The following NTSR2 variants were observed in gnomAD, a reference collection of about 807,000 sequenced individuals.
NTSR2 encodes neurotensin receptor 2, also known as neurotensin receptor type 2.
In NTSR2, 22 loss-of-function variants were observed where a neutral mutation model predicts 24.1. The observed-to-expected ratio is 0.91, with a 90% confidence interval of 0.65 to 1.30. NTSR2 has a LOEUF of 1.30. NTSR2 is among the 50% of genes most tolerant of loss of function. The pLI is 0.00. For missense variants in NTSR2, 570 were observed against 570.4 expected, an observed-to-expected ratio of 1.00 and a Z score of 0.01; for synonymous variants, 291 against 267.0, an observed-to-expected ratio of 1.09 and a Z score of -0.88.
chr2:11,666,658 G>A (rs554063626), intron 1 of NTSR2, among the ~76,000 whole-genome samples: 1 of 152,276 alleles, frequency 6.6e-6, no homozygotes, highest in South Asian at 2.1e-4. Flanking sequence ...GAGAATGTGC[G>A]ACTGCAATCC....
At chr2:11,667,977 T>C (rs943123262) in intron 1 of NTSR2, among the ~76,000 whole-genome samples, 3 of 152,198 alleles carry the variant, frequency 2.0e-5, no homozygotes, top group Non-Finnish European at 2.9e-5. Flanking sequence ...GAGAAGGCCC[T>C]GTTGCCAGGA....
intron 1 of NTSR2, among the ~76,000 whole-genome samples, chr2:11,666,327 T>A (rs1253090454): frequency 6.6e-6 from 1 of 152,146 alleles, no homozygotes; most frequent in Non-Finnish European, 1.5e-5. Flanking sequence ...CTCAAATTTT[T>A]AAAAAATGTA....
chr2:11,668,700 G>A (rs1031831587), intron 1 of NTSR2, among the ~76,000 whole-genome samples: 1 of 152,214 alleles, frequency 6.6e-6, no homozygotes, highest in Non-Finnish European at 1.5e-5. Flanking sequence ...AATGTGACTA[G>A]AGCAAGCGAC....
In NTSR2 at chr2:11,669,625, G is replaced by A. The variant is rs1241510185; in HGVS notation, c.505C>T (p.Pro169Ser). 6 of 1,574,504 alleles carry A rather than the reference G, an allele frequency of 3.8e-6. No individual in the cohort carries two copies. The highest frequency in any genetic ancestry group is 3.4e-6 in the Non-Finnish European group (4 of 1,167,348). The change falls in exon 1 of 4, where the codon CCC (proline) becomes TCC (serine). Residue 169 changes from proline (P) to serine (S), a missense_variant. Transcript: ENST00000306928. ...SWAASLGLAL[P>S]MAVIMGQKHE... ...TTCTGCCCCATGATGACGGCCATGG[G>A]CAGGGCGAGGCCGAGCGAGGCGGCC...
rs148599526 is a variant in NTSR2 at position 11,662,759 on chromosome 2, C to T, written c.625-519G>A. Among the ~76,000 whole-genome samples, 1,114 of 151,972 alleles carry T rather than the reference C, an allele frequency of 7.3e-3. 11 individuals are homozygous for T. The highest frequency in any genetic ancestry group is 0.025 in the African/African-American group (1,036 of 41,458). The stretch of plus-strand genomic sequence containing the variant: ...TCATGCCACTGCACTCCAGCCTGGG[C>T]AACAGAGCGAGACTCCGTCTCAAAA... On this transcript the variant is annotated intron_variant, in intron 1 of 3. Coordinates refer to ENST00000306928, the MANE Select transcript of NTSR2 (RefSeq NM_012344.4).
Position 11,662,177 on chromosome 2 carries a change from C to T in NTSR2, c.688G>A (p.Val230Met), listed in dbSNP as rs1417636938. 2.5e-6 allele frequency: 4 copies of T among 1,586,070 alleles called. No homozygotes were observed. The highest frequency in any genetic ancestry group is 3.4e-6 in the Non-Finnish European group (4 of 1,166,052). ...ALTAFLNGVT[V>M]SHLLALCSQV... ...GAGCAGAGGGCCAGCAGGTGGCTCA[C>T]TGTGACCCCATTCAGGAAAGCAGTT... The change falls in exon 2 of 4, where the codon GTG (valine) becomes ATG (methionine). Residue 230 changes from valine to methionine, a missense_variant. Coordinates refer to ENST00000306928, the MANE Select transcript of NTSR2 (RefSeq NM_012344.4).
At position 11,670,106 on chromosome 2, in the gene NTSR2, G is replaced by A; in HGVS notation, c.24C>T (p.Pro8=). METSSPR[P]PRPSSNPGLS... ...GCCCCGGGTTGGAGCTGGGCCGCGG[G>A]GGCCGCGGGCTGCTGGTTTCCATCC... Residue 8 remains proline (P), a synonymous_variant, in exon 1 of 4, where the codon CCC becomes CCT. Transcript: ENST00000306928. 9.4e-6 allele frequency: 13 copies of A among 1,389,532 alleles called. No homozygotes were observed. Among genetic ancestry groups the A allele is most frequent in the Non-Finnish European group, 1.1e-5 (12 of 1,078,236 alleles). The allele number at this position is 1,389,532 out of a possible 1,614,324, so 86.1% of individuals were successfully genotyped here. A position where few individuals can be genotyped will look rare whatever the true frequency, so the allele number is the denominator to read the frequency against.
In NTSR2 at chr2:11,669,564, G is replaced by A; in HGVS notation, c.566C>T (p.Pro189Leu). 6.4e-7 allele frequency: 1 copy of A among 1,564,894 alleles called. No individual in the cohort carries two copies. The highest frequency in any genetic ancestry group is 8.6e-7 in the Non-Finnish European group (1 of 1,163,466). Residue 189 changes from proline (P) to leucine (L), a missense_variant, in exon 1 of 4, where the codon CCC becomes CTC. Physicochemically the swap from Pro to Leu is moderately conservative, Grantham distance 98 (BLOSUM62 -3). Coordinates refer to ENST00000306928, the MANE Select transcript of NTSR2 (RefSeq NM_012344.4). ...ELETADGEPE[P>L]ASRVCTVLVS... ...CAGCACCGTGCACACTCGCGAGGCG[G>A]GCTCCGGCTCCCCGTCCGCCGTCTC...
In NTSR2 at chr2:11,658,308, A is replaced by AG. The variant is rs1660973503; in HGVS notation, c.*170dup. 1 of 770,156 alleles carries AG rather than the reference A, an allele frequency of 1.3e-6. No homozygotes were observed. Among genetic ancestry groups the AG allele is most frequent in the African/African-American group, 1.7e-5 (1 of 57,542 alleles). The allele number at this position is 770,156 out of a possible 1,614,324, so 47.7% of individuals were successfully genotyped here. A position where few individuals can be genotyped will look rare whatever the true frequency, so the allele number is the denominator to read the frequency against. ...TACACAGACGAGGGAGCCTGAGGCTAGGAGGGGTCACGTGGCTTCCCTGCG... is the reference window on the plus strand; with the variant it reads ...TACACAGACGAGGGAGCCTGAGGCTAGGGAGGGGTCACGTGGCTTCCCTGCG... On this transcript the variant is annotated 3_prime_UTR_variant, in exon 4 of 4. Transcript: ENST00000306928.
chr2:11,662,329 C>T lies in NTSR2; in HGVS notation c.625-89G>A, dbSNP rs535933733. ...TGTGCCCCAGACCCGGAATCTGCATCAGCAGAAGGAGCGGCAGAAGGGTTA... is the reference window on the plus strand; with the variant it reads ...TGTGCCCCAGACCCGGAATCTGCATTAGCAGAAGGAGCGGCAGAAGGGTTA... On this transcript the variant is annotated intron_variant, in intron 1 of 3. Coordinates refer to ENST00000306928, the MANE Select transcript of NTSR2 (RefSeq NM_012344.4). The T allele has an allele frequency of 4.8e-6, 6 of 1,257,728 alleles. No individual in the cohort carries two copies. In the East Asian group the frequency reaches 1.1e-4, roughly 22 times the overall value. 77.9% of individuals were successfully genotyped at this position (1,257,728 alleles called of 1,614,324 possible). A position where few individuals can be genotyped will look rare whatever the true frequency, so the allele number is the denominator to read the frequency against.
At chr2:11,666,984 C>T (rs1384575100) in intron 1 of NTSR2, among the ~76,000 whole-genome samples, 1 of 152,196 alleles carries the variant, frequency 6.6e-6, no homozygotes, top group Admixed American at 6.5e-5. Context: ...TTGTTGAGGA[C>T]CTGCAATATT....
rs1372778425 is a variant in NTSR2, at chr2:11,658,304, G to A, written c.*175C>T. 1 of 748,394 alleles carries A rather than the reference G, an allele frequency of 1.3e-6. No homozygotes were observed. The highest frequency in any genetic ancestry group is 2.1e-6 in the Non-Finnish European group (1 of 469,974). 46.4% of individuals were successfully genotyped at this position (748,394 alleles called of 1,614,324 possible). A position where few individuals can be genotyped will look rare whatever the true frequency, so the allele number is the denominator to read the frequency against. On this transcript the variant is annotated 3_prime_UTR_variant, in exon 4 of 4. Coordinates refer to ENST00000306928, the MANE Select transcript of NTSR2 (RefSeq NM_012344.4). Reference sequence around the variant, plus strand: ...CCACTACACAGACGAGGGAGCCTGAGGCTAGGAGGGGTCACGTGGCTTCCC... The same window carrying A: ...CCACTACACAGACGAGGGAGCCTGAAGCTAGGAGGGGTCACGTGGCTTCCC...
intron 1 of NTSR2, among the ~76,000 whole-genome samples, chr2:11,662,447 GAAA>G (rs535336606): frequency 6.6e-6 from 1 of 151,670 alleles, no homozygotes; most frequent in Non-Finnish European, 1.5e-5. Flanking sequence ...GTTCCAGGAA[GAAA>G]AAAAATAGAG....
intron 2 of NTSR2, among the ~76,000 whole-genome samples, chr2:11,660,727 C>G (rs2148483501): frequency 6.6e-6 from 1 of 152,190 alleles, no homozygotes; most frequent in East Asian, 1.9e-4. Flanking sequence ...GGTGACAGAG[C>G]AAGACTCCAT....
chr2:11,662,299 C>G lies in NTSR2; in HGVS notation c.625-59G>C, dbSNP rs1171060956. The G allele has an allele frequency of 2.1e-6, 3 of 1,426,612 alleles. No individual in the cohort carries two copies. The African/African-American group carries it at 4.4e-5, about 21-fold the overall frequency. The allele number at this position is 1,426,612 out of a possible 1,614,324, so 88.4% of individuals were successfully genotyped here. On this transcript the variant is annotated intron_variant, in intron 1 of 3. Transcript: ENST00000306928. ...GCCAGGGCCCTGCGGCCCTCGCCAT[C>G]TGGCTGTGCCCCAGACCCGGAATCT...
chr2:11,666,351 G>A (rs1661199081), intron 1 of NTSR2, among the ~76,000 whole-genome samples: 1 of 151,984 alleles, frequency 6.6e-6, no homozygotes, highest in African/African-American at 2.4e-5. Flanking sequence ...ATATAACTTT[G>A]CTTAAATAGT....
rs1401920685 is a variant in NTSR2, at chr2:11,660,136, G to A, written c.899-3C>T. 3 of 1,611,792 alleles carry A rather than the reference G, an allele frequency of 1.9e-6. No homozygotes were observed. Among genetic ancestry groups the A allele is most frequent in the South Asian group, 1.1e-5 (1 of 91,042 alleles). Reference sequence around the variant, plus strand: ...GACATACATGACCACGATGGCTCCTGCAGAGCATTGGAAAGGGAGAGACAG... The same window carrying A: ...GACATACATGACCACGATGGCTCCTACAGAGCATTGGAAAGGGAGAGACAG... On this transcript the variant is annotated splice_polypyrimidine_tract_variant and splice_region_variant and intron_variant, in intron 2 of 3. Transcript: ENST00000306928.
intron 1 of NTSR2, 47 bp downstream of exon 1, chr2:11,669,459 C>CCGGGG: frequency 2.5e-4 from 84 of 337,770 alleles, no homozygotes; most frequent in East Asian, 3.8e-4. Flanking sequence ...CTCCCAGCAC[C>CCGGGG]GCCCCCCCAC....
intron 2 of NTSR2, 129 bp from the exon 3 acceptor site, chr2:11,660,262 A>G (rs1333132414): frequency 2.9e-6 from 2 of 681,750 alleles, no homozygotes; most frequent in Non-Finnish European, 5.2e-6. Flanking sequence ...CCTGGAGTCA[A>G]GGGTTGGAAG....
Sources: allele counts gnomAD v4.1 joint callset (sites outside exome capture counted in the v4.1 genomes callset), GRCh38; gene constraint gnomAD v4.1.1; transcripts MANE v1.5; gene names NCBI Gene and HGNC (gene_info 2026-07-23, HGNC 2026-07-21).